The following DUOX1 variants were observed in gnomAD, a reference collection of about 807,000 sequenced individuals.
DUOX1 encodes the protein dual oxidase 1, also known as NADPH thyroid oxidase 1.
DUOX1 carries 134 observed loss-of-function variants against 181.8 expected under a neutral mutation model. That is an observed-to-expected ratio of 0.74 (90% confidence interval 0.64 to 0.85). The LOEUF is 0.85. Ranked by LOEUF, DUOX1 falls within the 40% of genes least tolerant of loss-of-function variation. The probability of loss-of-function intolerance (pLI) is 0.00; values close to 1 mark genes in which losing one functional copy is unlikely to be tolerated. For synonymous variants in DUOX1, 798 were observed against 832.5 expected, an observed-to-expected ratio of 0.96 and a Z score of 0.71; for missense variants, 1,814 against 2,064.4, an observed-to-expected ratio of 0.88 and a Z score of 2.35.
chr15:45,152,044 G>A lies in DUOX1; in HGVS notation c.3185G>A (p.Arg1062Lys). The change falls in exon 24 of 34, where the codon AGG (arginine) becomes AAG (lysine). Residue 1062 changes from arginine to lysine, a missense_variant. Arg to Lys is a conservative substitution (Grantham distance 26). Transcript: ENST00000389037. ...ATCGCTGGGGGGCTTTTCCTGGAGA[G>A]GGCCTACTGTGAGTGACTTTACTTA... ...YAIAGGLFLERAYYYAFAAHH... is the reference protein window; with the variant it reads ...YAIAGGLFLEKAYYYAFAAHH... 6.2e-7 allele frequency: 1 copy of A among 1,613,670 alleles called. No homozygotes were observed.
At chr15:45,150,829 C>G (rs878999367) in intron 22 of DUOX1, 128 bp downstream of exon 22, 2 of 915,606 alleles carry the variant, frequency 2.2e-6, no homozygotes, top group South Asian at 3.1e-5. Flanking sequence ...AAGGACACCC[C>G]TTTCTCTAGG....
rs773226375 is a variant in DUOX1 at position 45,151,232 on chromosome 15, C to G, written c.2998C>G (p.Arg1000Gly). The change falls in exon 23 of 34, where the codon CGG becomes GGG. Residue 1000 changes from arginine (R) to glycine (G), a missense_variant. By Grantham distance (125) the Arg-to-Gly change is moderately radical. Transcript: ENST00000389037. ...MDTDPPQEIR[R>G]RFGKKVTSFQ... ...CACAGACCCTCCCCAGGAGATTCGG[C>G]GGAGGTTTGGCAAGAAGTATGTCTG... is the stretch of plus-strand genomic sequence containing the variant. 16 of 1,613,886 alleles carry G rather than the reference C, an allele frequency of 9.9e-6. No homozygotes were observed. The highest frequency in any genetic ancestry group is 1.3e-5 in the Non-Finnish European group (15 of 1,179,940).
In DUOX1 at chr15:45,136,625, G is replaced by A; in HGVS notation, c.1022G>A (p.Arg341Lys). The change falls in exon 9 of 34, where the codon AGA (arginine) becomes AAA (lysine). Residue 341 changes from arginine (R) to lysine (K), a missense_variant and splice_region_variant. By Grantham distance (26) the Arg-to-Lys change is conservative (BLOSUM62 2). Coordinates refer to ENST00000389037, the MANE Select transcript of DUOX1 (RefSeq NM_175940.3). ...STMVPPGVYM[R>K]NASCHFQGVI... ...ATGGTGCCCCCTGGCGTCTACATGA[G>A]GTGAGGGAGGGGCTCAAAGGTGTGT... The A allele has an allele frequency of 6.2e-7, 1 of 1,614,000 alleles. No homozygotes were observed. The highest frequency in any genetic ancestry group is 8.5e-7 in the Non-Finnish European group (1 of 1,179,974).
intron 27 of DUOX1, 70 bp downstream of exon 27, chr15:45,154,070 C>T (rs1567018833): frequency 7.1e-7 from 1 of 1,401,430 alleles, no homozygotes; most frequent in East Asian, 2.3e-5. Context: ...TTCTCTGCAC[C>T]CCAGAGCAAC....
In DUOX1 at chr15:45,164,865, C is replaced by A. The variant is rs1183291641; in HGVS notation, c.4620C>A (p.Asp1540Glu). The change falls in exon 34 of 34, where the codon GAC (aspartate) becomes GAA (glutamate). Residue 1540 changes from aspartate (D) to glutamate (E), a missense_variant. Asp to Glu is a conservative substitution (Grantham distance 45, BLOSUM62 2). Transcript: ENST00000389037. ...CCTGTCAGCTCATCAACAGGCAGGACCGGACTCACTTCTCCCACCATTATG... is the reference window on the plus strand; with the variant it reads ...CCTGTCAGCTCATCAACAGGCAGGAACGGACTCACTTCTCCCACCATTATG... ...EKACQLINRQ[D>E]RTHFSHHYEN... 2.5e-6 allele frequency: 4 copies of A among 1,614,042 alleles called. No individual in the cohort carries two copies. The African/African-American group carries it at 5.3e-5, about 22-fold the overall frequency.
Position 45,153,417 on chromosome 15 carries a change from G to A in DUOX1, c.3462G>A (p.Leu1154=). The part of the protein sequence containing the change: ...HSVGHVVNVY[L]FSISPLSVLS... Reference sequence around the variant, plus strand: ...TGGGCCATGTGGTGAATGTGTACCTGTTCTCCATCAGCCCCCTCAGCGTCC... The same window carrying A: ...TGGGCCATGTGGTGAATGTGTACCTATTCTCCATCAGCCCCCTCAGCGTCC... Residue 1154 remains leucine, a synonymous_variant, in exon 26 of 34, where the codon CTG becomes CTA. Transcript: ENST00000389037. The A allele has an allele frequency of 3.1e-6, 5 of 1,613,748 alleles. No homozygotes were observed. Among genetic ancestry groups the A allele is most frequent in the Non-Finnish European group, 4.2e-6 (5 of 1,179,964 alleles).
rs1211290438 is a variant in DUOX1, at chr15:45,135,021, G to A, written c.308-83G>A. 2.6e-6 allele frequency: 4 copies of A among 1,529,684 alleles called. No homozygotes were observed. The African/African-American group carries it at 5.6e-5, about 22-fold the overall frequency. 94.8% of individuals were successfully genotyped at this position (1,529,684 alleles called of 1,614,324 possible). A position where few individuals can be genotyped will look rare whatever the true frequency, so the allele number is the denominator to read the frequency against. ...CTGCTGAGTCTTTTGAAGCTTCAGG[G>A]GAGGGAAGGAAACTGGATACCTAGG... is the stretch of plus-strand genomic sequence containing the variant. On this transcript the variant is annotated intron_variant, in intron 4 of 33. Coordinates refer to ENST00000389037, the MANE Select transcript of DUOX1 (RefSeq NM_175940.3).
chr15:45,141,541 C>A, intron 14 of DUOX1, 131 bp downstream of exon 14: 1 of 1,033,912 alleles, frequency 9.7e-7, no homozygotes, highest in Non-Finnish European at 1.5e-6. Flanking sequence ...TGGTTCTGCC[C>A]TTGGGAACTC....
intron 9 of DUOX1, among the ~76,000 whole-genome samples, chr15:45,137,185 TAAAAAAAAAAAA>T (rs35442034): frequency 1.2e-5 from 1 of 81,922 alleles, no homozygotes; most frequent in South Asian, 4.6e-4. Context: ...TCGTCTCTAC[TAAAAAAAAAAAA>T]AAAAAAAAAA....
intron 27 of DUOX1, among the ~76,000 whole-genome samples, chr15:45,155,252 A>G (rs575351607): frequency 2.6e-4 from 39 of 152,358 alleles, no homozygotes; most frequent in Middle Eastern, 3.4e-3. Flanking sequence ...AGTGACAGAC[A>G]AAAACCAAAT....
At chr15:45,131,683 T>G in intron 1 of DUOX1, 1 of 458,204 alleles carries the variant, frequency 2.2e-6, no homozygotes. Context: ...GGGATTTCTG[T>G]TTGTTTTGTT....
At chr15:45,161,568 G>A (rs1277787547) in intron 29 of DUOX1, among the ~76,000 whole-genome samples, 170 bp from the exon 30 acceptor site, 4 of 152,124 alleles carry the variant, frequency 2.6e-5, no homozygotes, top group Non-Finnish European at 5.9e-5. Flanking sequence ...TTGCCTGGCT[G>A]ACCCTCAGCC....
In DUOX1 at chr15:45,151,938, C is replaced by G. The variant is rs576631261; in HGVS notation, c.3079C>G (p.Leu1027Val). The G allele has an allele frequency of 1.7e-5, 27 of 1,614,096 alleles. No homozygotes were observed. Among genetic ancestry groups the G allele is most frequent in the Non-Finnish European group, 2.3e-5 (27 of 1,180,012 alleles). ...AHREKFQRSCLHQTVQQFKRF... is the reference protein window; with the variant it reads ...AHREKFQRSCVHQTVQQFKRF... The stretch of plus-strand genomic sequence containing the variant: ...CCGAGAGAAGTTCCAACGCAGCTGT[C>G]TCCACCAGACGGTGCAACAGTTCAA... Residue 1027 changes from leucine to valine, a missense_variant, in exon 24 of 34, where the codon CTC becomes GTC. Around this residue, in one of 5 missense-constraint regions of DUOX1, gnomAD observed 1,064 missense variants for 1,152.9 expected, o/e 0.92. Coordinates refer to ENST00000389037, the MANE Select transcript of DUOX1 (RefSeq NM_175940.3).
At chr15:45,137,647 A>G (rs58696933) in intron 9 of DUOX1, among the ~76,000 whole-genome samples, 7,444 of 152,128 alleles carry the variant, frequency 0.049, 637 homozygotes, top group African/African-American at 0.17. Context: ...GTATATATAT[A>G]TTTTATATGT....
At chr15:45,149,810 C>T (rs1896758156) in intron 21 of DUOX1, among the ~76,000 whole-genome samples, 1 of 152,200 alleles carries the variant, frequency 6.6e-6, no homozygotes, top group Non-Finnish European at 1.5e-5. Context: ...AAGATTGTGC[C>T]ACTGCACTCC....
At chr15:45,138,050 GTGTGTGCATGCTTATGTGTGTGTGTGTA>G in intron 10 of DUOX1, 36 bp downstream of exon 10, 2 of 1,501,472 alleles carry the variant, frequency 1.3e-6, no homozygotes, top group South Asian at 1.2e-5. Context: ...GTGGATGTGT[GTGTGTGCATGCTTATGTGTGTGTGTGTA>G]TGTGTGTGTG....
In DUOX1 at chr15:45,130,236, A is replaced by G. The variant is rs567925893; in HGVS notation, c.-50+138A>G. 2.0e-5 allele frequency: 3 copies of G among 152,312 alleles called. No individual in the cohort carries two copies. In the East Asian group the frequency reaches 5.8e-4, roughly 29 times the overall value. The allele number at this position is 152,312 out of a possible 1,614,324, so 9.4% of individuals were successfully genotyped here. On this transcript the variant is annotated intron_variant, in intron 1 of 33. Transcript: ENST00000389037. ...GGAATGCTAGCCCCCTGCGCCTCCGATCTTATCCTAAGGCTAAAACCGGTC... is the reference window on the plus strand; with the variant it reads ...GGAATGCTAGCCCCCTGCGCCTCCGGTCTTATCCTAAGGCTAAAACCGGTC...
rs1470750938 is a variant in DUOX1, at chr15:45,151,358, G to T, written c.3014+110G>T. Reference sequence around the variant, plus strand: ...GCTAAACATTGTGGGTACAGGCAGGGTGAATAGTCCTTGCCCAAGAACATC... The same window carrying T: ...GCTAAACATTGTGGGTACAGGCAGGTTGAATAGTCCTTGCCCAAGAACATC... On this transcript the variant is annotated intron_variant, in intron 23 of 33. Transcript: ENST00000389037. 7 of 1,416,340 alleles carry T rather than the reference G, an allele frequency of 4.9e-6. No homozygotes were observed. The East Asian group carries it at 9.3e-5, about 19-fold the overall frequency. The allele number at this position is 1,416,340 out of a possible 1,614,324, so 87.7% of individuals were successfully genotyped here. A position where few individuals can be genotyped will look rare whatever the true frequency, so the allele number is the denominator to read the frequency against.
At chr15:45,139,805 C>A in intron 12 of DUOX1, 1 of 647,356 alleles carries the variant, frequency 1.5e-6, no homozygotes. Context: ...TCGGATTGTT[C>A]AGATCCAGCA....
Sources: allele counts gnomAD v4.1 joint callset (sites outside exome capture counted in the v4.1 genomes callset), GRCh38; gene constraint gnomAD v4.1.1; regional missense constraint gnomAD v4.1.1; transcripts MANE v1.5; gene names NCBI Gene and HGNC (gene_info 2026-07-23, HGNC 2026-07-21).